The following SGCZ variants were observed in gnomAD, a reference collection of about 807,000 sequenced individuals.
SGCZ encodes sarcoglycan zeta.
Under a neutral mutation model 41.3 loss-of-function variants are expected in SGCZ, and 40 were observed. That is an observed-to-expected ratio of 0.97 (90% CI 0.75 to 1.26). SGCZ has a LOEUF of 1.26. Among genes scored for constraint, SGCZ ranks in the 50% most tolerant of loss-of-function variants. The pLI, the probability that SGCZ is intolerant of heterozygous loss-of-function variation, is 0.00. For synonymous variants in SGCZ, 206 were observed against 137.5 expected (o/e 1.50, Z -3.49); for missense variants, 552 against 369.8 (o/e 1.49, Z -4.04).
At chr8:14,648,184 CAT>C (rs1248619948) in intron 1 of SGCZ, among the ~76,000 whole-genome samples, 2 of 152,032 alleles carry the variant, frequency 1.3e-5, no homozygotes, top group African/African-American at 4.8e-5. Flanking sequence ...TTTAAAAAAT[CAT>C]AATAATTCAA....
At chr8:14,125,076 C>T (rs761984575) in intron 5 of SGCZ, among the ~76,000 whole-genome samples, 1 of 152,094 alleles carries the variant, frequency 6.6e-6, no homozygotes, top group Non-Finnish European at 1.5e-5. Context: ...CCAAGGAATA[C>T]CACTAACAGG....
intron 1 of SGCZ, among the ~76,000 whole-genome samples, chr8:14,895,319 A>T (rs1301620249): frequency 1.3e-5 from 2 of 152,126 alleles, no homozygotes; most frequent in Admixed American, 6.5e-5. Context: ...ATGGGGCCAA[A>T]ATTGAATAGC....
intron 5 of SGCZ, among the ~76,000 whole-genome samples, chr8:14,131,220 G>A (rs1803030842): frequency 6.6e-6 from 1 of 152,108 alleles, no homozygotes; most frequent in African/African-American, 2.4e-5. Context: ...GTATCTTGAT[G>A]GAGTACAGAA....
At chr8:14,789,523 T>A (rs963578203) in intron 1 of SGCZ, among the ~76,000 whole-genome samples, 2 of 152,302 alleles carry the variant, frequency 1.3e-5, no homozygotes, top group Middle Eastern at 3.4e-3. Context: ...CCAAAATATA[T>A]GAGTTTACAA....
chr8:14,842,257 C>A (rs1275166361), intron 1 of SGCZ, among the ~76,000 whole-genome samples: 1 of 151,518 alleles, frequency 6.6e-6, no homozygotes, highest in African/African-American at 2.4e-5. Context: ...AAACTGACAT[C>A]TGAAGGATAA....
At chr8:14,432,202 G>A (rs1799962353) in intron 2 of SGCZ, among the ~76,000 whole-genome samples, 1 of 152,100 alleles carries the variant, frequency 6.6e-6, no homozygotes, top group African/African-American at 2.4e-5. Flanking sequence ...AGGAAAATAT[G>A]TCATTATACA....
chr8:14,550,530 A>G (rs1803771179), intron 2 of SGCZ, among the ~76,000 whole-genome samples: 1 of 152,040 alleles, frequency 6.6e-6, no homozygotes, highest in Non-Finnish European at 1.5e-5. Flanking sequence ...CAGTGATGAC[A>G]GCTGGCTGTA....
intron 1 of SGCZ, among the ~76,000 whole-genome samples, chr8:14,628,027 C>A (rs1384182361): frequency 6.6e-6 from 1 of 152,050 alleles, no homozygotes; most frequent in African/African-American, 2.4e-5. Flanking sequence ...ATTATATTCC[C>A]AGTTAAGCAT....
intron 1 of SGCZ, among the ~76,000 whole-genome samples, chr8:14,585,387 C>A (rs1805024340): frequency 6.6e-6 from 1 of 152,006 alleles, no homozygotes; most frequent in South Asian, 2.1e-4. Context: ...CTTTGTAGTT[C>A]TGAAAATAAT....
intron 1 of SGCZ, among the ~76,000 whole-genome samples, chr8:14,649,141 A>G (rs1807317422): frequency 6.6e-6 from 1 of 152,132 alleles, no homozygotes; most frequent in Non-Finnish European, 1.5e-5. Context: ...TCCAAAGAGG[A>G]TATTAGAAAA....
chr8:15,033,620 A>C (rs1361414884), intron 1 of SGCZ, among the ~76,000 whole-genome samples: 1 of 152,086 alleles, frequency 6.6e-6, no homozygotes, highest in East Asian at 1.9e-4. Flanking sequence ...CCACCACAGC[A>C]TCGGGACAGT....
intron 1 of SGCZ, among the ~76,000 whole-genome samples, chr8:15,102,186 C>G (rs1347619841): frequency 2.0e-5 from 3 of 152,126 alleles, no homozygotes; most frequent in Non-Finnish European, 2.9e-5. Context: ...TGCATACAAA[C>G]TGTGGTATAT....
At chr8:14,494,173 G>T (rs1348349747) in intron 2 of SGCZ, among the ~76,000 whole-genome samples, 1 of 152,104 alleles carries the variant, frequency 6.6e-6, no homozygotes, top group Non-Finnish European at 1.5e-5. Context: ...AAACAACACA[G>T]AAAAATTTGG....
At chr8:14,442,063 C>T (rs1041962359) in intron 2 of SGCZ, among the ~76,000 whole-genome samples, 1 of 152,164 alleles carries the variant, frequency 6.6e-6, no homozygotes, top group African/African-American at 2.4e-5. Flanking sequence ...CAGAGACATT[C>T]GAATTACAAA....
In SGCZ at chr8:14,805,980, A is replaced by G. The variant is rs1480909469; in HGVS notation, c.40-251054T>C. ...CTGAACAACCTGCTCCTGAATGACTACTGGGTACATAACGAAATGAAGGCA... is the reference window on the plus strand; with the variant it reads ...CTGAACAACCTGCTCCTGAATGACTGCTGGGTACATAACGAAATGAAGGCA... On this transcript the variant is annotated intron_variant, in intron 1 of 7. Coordinates refer to ENST00000382080, the MANE Select transcript of SGCZ (RefSeq NM_139167.4). Among the ~76,000 whole-genome samples, 6 of 150,972 alleles carry G rather than the reference A, an allele frequency of 4.0e-5. No homozygotes were observed. The East Asian group carries it at 1.2e-3, about 30-fold the overall frequency.
chr8:15,067,535 C>T (rs555172245), intron 1 of SGCZ, among the ~76,000 whole-genome samples: 6 of 152,232 alleles, frequency 3.9e-5, no homozygotes, highest in Non-Finnish European at 5.9e-5. Flanking sequence ...TATTCCCTAG[C>T]GCCCTTGGCA....
chr8:14,777,054 G>A (rs1282689760), intron 1 of SGCZ, among the ~76,000 whole-genome samples: 1 of 152,168 alleles, frequency 6.6e-6, no homozygotes, highest in Non-Finnish European at 1.5e-5. Flanking sequence ...AGGAATGTAT[G>A]AATCCCAAGT....
rs1356703177 is a variant in SGCZ at position 14,088,602 on chromosome 8, T to C, written c.*1841A>G. Among the ~76,000 whole-genome samples, 1 of 151,872 alleles carries C rather than the reference T, an allele frequency of 6.6e-6. No individual in the cohort carries two copies. The highest frequency in any genetic ancestry group is 2.4e-5 in the African/African-American group (1 of 41,418). ...TGTTATAACTTTGTAAGCAATCGTATATCATAAATTCTTATTTCAATATTG... is the reference window on the plus strand; with the variant it reads ...TGTTATAACTTTGTAAGCAATCGTACATCATAAATTCTTATTTCAATATTG... On this transcript the variant is annotated 3_prime_UTR_variant, in exon 8 of 8. Coordinates refer to ENST00000382080, the MANE Select transcript of SGCZ (RefSeq NM_139167.4).
chr8:14,649,131 TC>T (rs1476587645), intron 1 of SGCZ, among the ~76,000 whole-genome samples: 1 of 152,132 alleles, frequency 6.6e-6, no homozygotes, highest in Non-Finnish European at 1.5e-5. Context: ...ACTGGATATT[TC>T]CAAAGAGGAT....
Sources: gnomAD v4.1 joint callset for allele counts (sites outside exome capture counted in the v4.1 genomes callset) on GRCh38, gnomAD v4.1.1 for gene constraint, MANE v1.5 for transcripts, NCBI Gene and HGNC (gene_info 2026-07-23, HGNC 2026-07-21) for gene names.